The following CCDC3 variants were observed in gnomAD, a reference collection of about 807,000 sequenced individuals.
The protein encoded by CCDC3 is coiled-coil domain containing 3, also known as coiled-coil domain-containing protein 3.
CCDC3 carries 24 observed loss-of-function variants against 21.4 expected under a neutral mutation model. The observed-to-expected ratio is 1.12, with a 90% CI of 0.81 to 1.58. CCDC3 has a LOEUF of 1.58. Among genes scored for constraint, CCDC3 ranks in the 40% most tolerant of loss-of-function variants. The pLI is 0.00. For missense variants in CCDC3, 425 were observed against 360.9 expected, an observed-to-expected ratio of 1.18 and a Z score of -1.44; for synonymous variants, 186 against 166.0, an observed-to-expected ratio of 1.12 and a Z score of -0.93.
At chr10:12,970,947 C>T (rs188586612) in intron 2 of CCDC3, among the ~76,000 whole-genome samples, 15 of 152,160 alleles carry the variant, frequency 9.9e-5, no homozygotes, top group African/African-American at 3.4e-4. Flanking sequence ...TAAAGCACTT[C>T]GCAAAGTTTG....
chr10:12,952,418 G>T (rs1289942588), intron 2 of CCDC3, among the ~76,000 whole-genome samples: 1 of 152,194 alleles, frequency 6.6e-6, no homozygotes, highest in African/African-American at 2.4e-5. Context: ...TCATTGAGGT[G>T]CAAATGAATA....
chr10:13,083,288 C>G (rs1837064736), intron 3 of CCDC3, among the ~76,000 whole-genome samples: 1 of 152,174 alleles, frequency 6.6e-6, no homozygotes, highest in Admixed American at 6.5e-5. Context: ...ACCAGAAAAG[C>G]TTTTTCTTTT....
intron 4 of CCDC3, chr10:13,057,905 T>C (rs1027758837): frequency 1.2e-5 from 6 of 515,096 alleles, no homozygotes; most frequent in South Asian, 2.0e-5. Context: ...ACCTTCTTTC[T>C]TGGGCTTCTT....
intron 4 of CCDC3, among the ~76,000 whole-genome samples, chr10:13,054,593 C>T (rs1044497558): frequency 2.0e-5 from 3 of 152,134 alleles, no homozygotes; most frequent in Admixed American, 2.0e-4. Flanking sequence ...ACCTTTCAAA[C>T]TCATTATGCC....
At chr10:12,982,746 T>C (rs989393547) in intron 2 of CCDC3, among the ~76,000 whole-genome samples, 3 of 130,156 alleles carry the variant, frequency 2.3e-5, no homozygotes, top group Non-Finnish European at 3.1e-5. Flanking sequence ...GTGACCAAGA[T>C]TGCACCATTG....
intron 2 of CCDC3, among the ~76,000 whole-genome samples, chr10:12,968,434 A>T (rs1835293890): frequency 6.6e-6 from 1 of 152,216 alleles, no homozygotes; most frequent in African/African-American, 2.4e-5. Flanking sequence ...TTCCCAACAA[A>T]CAAAAGCTTA....
intron 2 of CCDC3, among the ~76,000 whole-genome samples, chr10:12,905,271 A>G (rs7073664): frequency 0.035 from 5,397 of 152,324 alleles, 361 homozygotes; most frequent in African/African-American, 0.12. Context: ...TTATTAGACC[A>G]CAGCTATACT....
chr10:13,024,331 T>C (rs141318043), intron 5 of CCDC3, among the ~76,000 whole-genome samples: 35 of 152,276 alleles, frequency 2.3e-4, no homozygotes, highest in Admixed American at 4.6e-4. Context: ...ACAGATCTCT[T>C]CAAGGCAGTC....
intron 2 of CCDC3, among the ~76,000 whole-genome samples, chr10:12,974,204 G>A (rs953006023): frequency 1.3e-5 from 2 of 152,212 alleles, no homozygotes; most frequent in Admixed American, 1.3e-4. Context: ...TGCCGGGTAC[G>A]GCGAGAAAAA....
chr10:12,915,642 C>T (rs1834341389), intron 2 of CCDC3, among the ~76,000 whole-genome samples: 1 of 152,152 alleles, frequency 6.6e-6, no homozygotes, highest in Non-Finnish European at 1.5e-5. Flanking sequence ...GTAGCCTGTC[C>T]AGAGATTCTG....
intron 5 of CCDC3, among the ~76,000 whole-genome samples, chr10:13,016,975 G>T (rs1836072051): frequency 6.6e-6 from 1 of 152,024 alleles, no homozygotes; most frequent in South Asian, 2.1e-4. Context: ...CCGAACTCTA[G>T]ACATCATGAT....
intron 2 of CCDC3, among the ~76,000 whole-genome samples, chr10:12,982,957 C>T (rs913094845): frequency 4.7e-5 from 7 of 149,732 alleles, no homozygotes; most frequent in Admixed American, 1.3e-4. Context: ...ACTAAAAATA[C>T]AAAAGTTAGC....
intron 4 of CCDC3, among the ~76,000 whole-genome samples, chr10:13,060,347 A>G (rs950142136): frequency 1.3e-5 from 2 of 152,130 alleles, no homozygotes; most frequent in African/African-American, 4.8e-5. Context: ...TAAGAAGAGG[A>G]GAGGACCAAA....
In CCDC3 at chr10:12,979,926, T is replaced by C. The variant is rs556509527; in HGVS notation, c.549+18412A>G. On this transcript the variant is annotated intron_variant, in intron 2 of 2. Transcript: ENST00000378825. Reference sequence around the variant, plus strand: ...TTTGAAGCCCCATGCTAGTTTCTACTGATAGCCTTAATAGTTTAATCATTG... The same window carrying C: ...TTTGAAGCCCCATGCTAGTTTCTACCGATAGCCTTAATAGTTTAATCATTG... Among the ~76,000 whole-genome samples the C allele has an allele frequency of 8.5e-5, 13 of 152,326 alleles. No homozygotes were observed. In the South Asian group the frequency reaches 2.5e-3, roughly 29 times the overall value.
intron 5 of CCDC3, among the ~76,000 whole-genome samples, chr10:13,046,945 T>C (rs1836537068): frequency 6.9e-6 from 1 of 145,540 alleles, no homozygotes; most frequent in Admixed American, 6.8e-5. Context: ...TCATTCACTT[T>C]CTAAAAAAAA....
intron 2 of CCDC3, among the ~76,000 whole-genome samples, chr10:12,899,849 T>A (rs1358262272): frequency 2.0e-5 from 3 of 152,138 alleles, no homozygotes; most frequent in Non-Finnish European, 2.9e-5. Flanking sequence ...CATTTTCACT[T>A]TTGTACTTTT....
At position 12,925,385 on chromosome 10, in the gene CCDC3, T is replaced by G. The variant is rs17508320; in HGVS notation, c.550-26706A>C. 2.1e-4 allele frequency among the ~76,000 whole-genome samples: 29 copies of G among 137,818 alleles called. No individual in the cohort carries two copies. The South Asian group carries it at 6.3e-3, about 30-fold the overall frequency. The allele number at this position is 137,818 out of a possible 152,430, so 90.4% of individuals were successfully genotyped here. A position where few individuals can be genotyped will look rare whatever the true frequency, so the allele number is the denominator to read the frequency against. ...CTCCTTTTCCCTCTTTAAAGTCCTT[T>G]GTGGGCCATTAATTTCAAAACTGAC... On this transcript the variant is annotated intron_variant, in intron 2 of 2. Transcript: ENST00000378825.
rs1479674205 is a variant in CCDC3, at chr10:13,058,493, A to G, written c.-269-8552T>C. On this transcript the variant is annotated intron_variant, in intron 4 of 6. Transcript: ENST00000378839. ...CTCAATATGGCCTAAGCAATCTGAC[A>G]AATGATATCTCTGTTCGTTACACAA... is the stretch of plus-strand genomic sequence containing the variant. The G allele has an allele frequency of 1.6e-5, 12 of 750,650 alleles. No homozygotes were observed. The East Asian group carries it at 2.9e-4, about 18-fold the overall frequency. The allele number at this position is 750,650 out of a possible 1,614,324, so 46.5% of individuals were successfully genotyped here. A position where few individuals can be genotyped will look rare whatever the true frequency, so the allele number is the denominator to read the frequency against.
intron 2 of CCDC3, among the ~76,000 whole-genome samples, chr10:12,901,553 G>C (rs568225446): frequency 6.6e-6 from 1 of 152,154 alleles, no homozygotes; most frequent in East Asian, 1.9e-4. Context: ...GAGTACAGGC[G>C]TAAGTCACTG....
Sources: gnomAD v4.1 joint callset for allele counts (sites outside exome capture counted in the v4.1 genomes callset) on GRCh38, gnomAD v4.1.1 for gene constraint, MANE v1.5 for transcripts, NCBI Gene and HGNC (gene_info 2026-07-23, HGNC 2026-07-21) for gene names.